Variants in SCML4 observed in about 807,000 individuals in gnomAD.
SCML4 encodes sex comb on midleg-like protein 4.
In SCML4, 34 loss-of-function variants were observed where a neutral mutation model predicts 41.1. That is an observed-to-expected ratio of 0.83 (90% CI 0.63 to 1.10). The LOEUF (loss-of-function observed/expected upper bound fraction) is 1.10. SCML4 is among the 50% of genes least tolerant of loss of function. The probability of loss-of-function intolerance (pLI) is 0.00; values close to 1 mark genes in which losing one functional copy is unlikely to be tolerated. For missense variants in SCML4, 522 were observed against 534.1 expected (o/e 0.98, Z 0.22); for synonymous variants, 214 against 220.9 (o/e 0.97, Z 0.28).
intron 1 of SCML4, among the ~76,000 whole-genome samples, chr6:107,784,602 C>T (rs898434419): frequency 1.3e-5 from 2 of 152,200 alleles, no homozygotes; most frequent in Middle Eastern, 3.4e-3. Flanking sequence ...GAGAGAGGAA[C>T]GGTTTTTTTC....
the SCML4 span, among the ~76,000 whole-genome samples, chr6:107,839,284 AC>A: frequency 6.7e-6 from 1 of 150,262 alleles, no homozygotes; most frequent in Non-Finnish European, 1.5e-5. Flanking sequence ...ACAAAGACAG[AC>A]CCTGTCAAAA....
intron 2 of SCML4, 135 bp downstream of exon 2, chr6:107,772,037 C>T (rs1780558160): frequency 7.3e-6 from 5 of 683,632 alleles, no homozygotes; most frequent in Non-Finnish European, 1.2e-5. Flanking sequence ...TCACATACTT[C>T]ACCGAGGGAG....
chr6:107,772,131 A>C, intron 2 of SCML4, 41 bp downstream of exon 2: 1 of 1,518,114 alleles, frequency 6.6e-7, no homozygotes, highest in Non-Finnish European at 8.9e-7. Flanking sequence ...CCCGTGCCCC[A>C]GCCCAATACC....
chr6:107,755,591 G>A (rs1428492915), intron 2 of SCML4: 1 of 1,347,232 alleles, frequency 7.4e-7, no homozygotes, highest in East Asian at 4.7e-5. Flanking sequence ...TGGAATGGGG[G>A]GGTTCTCTGC....
At chr6:107,841,929 T>G in the SCML4 span, among the ~76,000 whole-genome samples, 1,852 of 152,250 alleles carry the variant, frequency 0.012, 48 homozygotes, top group African/African-American at 0.041. Context: ...ATATTATTGA[T>G]GTAGGCCTTT....
chr6:107,739,856 G>A (rs564228401), intron 5 of SCML4, among the ~76,000 whole-genome samples: 2 of 152,316 alleles, frequency 1.3e-5, no homozygotes, highest in South Asian at 4.1e-4. Context: ...GCTCATGACA[G>A]ACTGGTGGGA....
chr6:107,807,825 A>G (rs181213269), intron 1 of SCML4, among the ~76,000 whole-genome samples: 3 of 152,372 alleles, frequency 2.0e-5, no homozygotes, highest in Admixed American at 1.3e-4. Flanking sequence ...AAAGGGGGCT[A>G]TGTTCTCTCA....
intron 5 of SCML4, among the ~76,000 whole-genome samples, chr6:107,727,268 G>A (rs1382571834): frequency 6.6e-6 from 1 of 152,044 alleles, no homozygotes; most frequent in African/African-American, 2.4e-5. Context: ...TGTGGGGTGG[G>A]TAATAGCTAA....
intron 2 of SCML4, among the ~76,000 whole-genome samples, chr6:107,767,448 C>G (rs935374918): frequency 3.3e-5 from 5 of 152,174 alleles, no homozygotes; most frequent in Admixed American, 3.3e-4. Context: ...CTTAAGTTCT[C>G]TTGCTTGAGA....
At chr6:107,761,645 C>T (rs893891522) in intron 2 of SCML4, among the ~76,000 whole-genome samples, 1 of 151,962 alleles carries the variant, frequency 6.6e-6, no homozygotes, top group Non-Finnish European at 1.5e-5. Flanking sequence ...TCATGTTGGC[C>T]AGGCTGGTCT....
chr6:107,835,255 G>A, the SCML4 span, among the ~76,000 whole-genome samples: 7 of 152,050 alleles, frequency 4.6e-5, no homozygotes, highest in Non-Finnish European at 8.8e-5. Flanking sequence ...CAGCTATTCA[G>A]CAGGCTGAGA....
intron 6 of SCML4, 34 bp from the exon 7 acceptor site, chr6:107,708,045 A>G: frequency 6.5e-7 from 1 of 1,546,134 alleles, no homozygotes; most frequent in African/African-American, 1.4e-5. Context: ...ACCATGAGCC[A>G]GTGGGACAGG....
At chr6:107,722,149 G>A (rs1775495542) in intron 5 of SCML4, among the ~76,000 whole-genome samples, 1 of 151,820 alleles carries the variant, frequency 6.6e-6, no homozygotes, top group African/African-American at 2.4e-5. Flanking sequence ...GCTAATTTTT[G>A]TATTTTTAGT....
At chr6:107,760,950 A>T (rs1225875797) in intron 2 of SCML4, among the ~76,000 whole-genome samples, 1 of 152,218 alleles carries the variant, frequency 6.6e-6, no homozygotes, top group Non-Finnish European at 1.5e-5. Context: ...AAACACAGTA[A>T]CTAAAATTAA....
intron 1 of SCML4, among the ~76,000 whole-genome samples, chr6:107,778,994 C>T (rs1295666132): frequency 2.6e-5 from 4 of 152,032 alleles, no homozygotes; most frequent in Non-Finnish European, 4.4e-5. Flanking sequence ...TCCTGGCTAA[C>T]ACCGTGAAAC....
At chr6:107,737,012 G>A (rs1487990803) in intron 5 of SCML4, among the ~76,000 whole-genome samples, 1 of 152,226 alleles carries the variant, frequency 6.6e-6, no homozygotes, top group African/African-American at 2.4e-5. Flanking sequence ...TTGCAGAATA[G>A]TTCAACTCTC....
intron 2 of SCML4, among the ~76,000 whole-genome samples, chr6:107,754,138 T>C (rs1778917062): frequency 6.6e-6 from 1 of 152,172 alleles, no homozygotes; most frequent in Admixed American, 6.5e-5. Context: ...AGCAAGCACA[T>C]TGGCTGCACA....
chr6:107,834,413 T>C, the SCML4 span, among the ~76,000 whole-genome samples: 2 of 152,166 alleles, frequency 1.3e-5, no homozygotes, highest in African/African-American at 4.8e-5. Flanking sequence ...CCCCTGGCTC[T>C]CTCACTGCCA....
chr6:107,802,873 G>C (rs978225761), intron 1 of SCML4, among the ~76,000 whole-genome samples: 26 of 151,880 alleles, frequency 1.7e-4, no homozygotes, highest in African/African-American at 2.2e-4. Context: ...CCTGCCGAGT[G>C]CCTGCGATTG....
Sources: gnomAD v4.1 joint callset for allele counts (sites outside exome capture counted in the v4.1 genomes callset) on GRCh38, gnomAD v4.1.1 for gene constraint, MANE v1.5 for transcripts, NCBI Gene and HGNC (gene_info 2026-07-23, HGNC 2026-07-21) for gene names.